Variants in USP16 observed in about 807,000 individuals in gnomAD.
USP16 encodes ubiquitin specific peptidase 16, also known as ubiquitin carboxyl-terminal hydrolase 16.
Under a neutral mutation model 95.9 loss-of-function variants are expected in USP16, and 77 were observed. The observed-to-expected ratio is 0.80, with a 90% confidence interval of 0.67 to 0.97. USP16 has a LOEUF of 0.97. Among genes scored for constraint, USP16 ranks in the 50% least tolerant of loss-of-function variants. The pLI, the probability that USP16 is intolerant of heterozygous loss-of-function variation, is 0.00. For missense variants in USP16, 943 were observed against 959.9 expected, an observed-to-expected ratio of 0.98 and a Z score of 0.23; for synonymous variants, 303 against 318.2, an observed-to-expected ratio of 0.95 and a Z score of 0.51.
Position 29,024,699 on chromosome 21 carries a change from G to A in USP16, c.-120G>A, listed in dbSNP as rs1393561198. ...GCTTCGACTCCGTCGCTCTCAATTC[G>A]TCACCAGGAGGAAGACGGAGCTGGC... On this transcript the variant is annotated 5_prime_UTR_variant, in exon 1 of 18. Coordinates refer to ENST00000399976, the MANE Select transcript of USP16 (RefSeq NM_006447.3). 1.6e-6 allele frequency: 2 copies of A among 1,289,108 alleles called. No individual in the cohort carries two copies. The highest frequency in any genetic ancestry group is 2.0e-6 in the Non-Finnish European group (2 of 988,740). The allele number at this position is 1,289,108 out of a possible 1,614,324, so 79.9% of individuals were successfully genotyped here.
chr21:29,038,321 A>G lies in USP16; in HGVS notation c.637-14A>G. The G allele has an allele frequency of 1.3e-6, 2 of 1,550,364 alleles. No homozygotes were observed. Among genetic ancestry groups the G allele is most frequent in the Non-Finnish European group, 1.8e-6 (2 of 1,137,048 alleles). ...TAAATAATTTTTCTCTTTTTTTTTC[A>G]CCCTACATTCTAGAACTTGTCACAA... is the stretch of plus-strand genomic sequence containing the variant. On this transcript the variant is annotated splice_polypyrimidine_tract_variant and intron_variant, in intron 6 of 17. Transcript: ENST00000399976.
Position 29,037,395 on chromosome 21 carries a change from C to G in USP16, c.568C>G (p.Pro190Ala). 1.2e-6 allele frequency: 2 copies of G among 1,609,416 alleles called. No individual in the cohort carries two copies. The highest frequency in any genetic ancestry group is 4.5e-5 in the East Asian group (2 of 44,696). ...MAKENPPMNS[P>A]CQITVKGLSN... is the part of the protein sequence containing the mutation. ...TAAAGAGAATCCTCCCATGAATTCTCCTTGCCAAATAACCGTGAAAGGACT... is the reference window on the plus strand; with the variant it reads ...TAAAGAGAATCCTCCCATGAATTCTGCTTGCCAAATAACCGTGAAAGGACT... The change falls in exon 6 of 18, where the codon CCT becomes GCT. Residue 190 changes from proline to alanine, a missense_variant. Transcript: ENST00000399976.
chr21:29,028,105 T>C (rs1601038776), intron 2 of USP16, 131 bp downstream of exon 2: 1 of 700,378 alleles, frequency 1.4e-6, no homozygotes, highest in South Asian at 2.0e-5. Context: ...TATCTATATG[T>C]CATTTAATAG....
chr21:29,047,325 T>C lies in USP16; in HGVS notation c.2011+4T>C. 2 of 1,600,148 alleles carry C rather than the reference T, an allele frequency of 1.2e-6. No individual in the cohort carries two copies. Among genetic ancestry groups the C allele is most frequent in the South Asian group, 1.1e-5 (1 of 88,630 alleles). On this transcript the variant is annotated splice_donor_region_variant and intron_variant, in intron 14 of 17. Coordinates refer to ENST00000399976, the MANE Select transcript of USP16 (RefSeq NM_006447.3). ...GGACCAAAGGCAAATATAAAAGGTA[T>C]TTTAATGCTCTCACTGTAAGTAAAA...
chr21:29,046,284 A>T (rs2085321784), intron 13 of USP16, among the ~76,000 whole-genome samples: 1 of 152,092 alleles, frequency 6.6e-6, no homozygotes, highest in African/African-American at 2.4e-5. Flanking sequence ...CTACAGGTGG[A>T]CACCAACGTG....
At chr21:29,053,681 A>G in intron 16 of USP16, 121 bp from the exon 17 acceptor site, 1 of 983,462 alleles carries the variant, frequency 1.0e-6, no homozygotes, top group South Asian at 1.7e-5. Flanking sequence ...AGACTCATGA[A>G]TGATTTCTGC....
At position 29,043,452 on chromosome 21, in the gene USP16, T is replaced by A. The variant is rs757600892; in HGVS notation, c.1209T>A (p.Asn403Lys). The change falls in exon 13 of 18, where the codon AAT (asparagine) becomes AAA (lysine). Residue 403 changes from asparagine to lysine, a missense_variant. Asn to Lys is a moderately conservative substitution (Grantham distance 94). Coordinates refer to ENST00000399976, the MANE Select transcript of USP16 (RefSeq NM_006447.3). Reference protein sequence around the residue: ...QSGKKSVNDKNLKKTVEDEDQ... With the variant: ...QSGKKSVNDKKLKKTVEDEDQ... The stretch of plus-strand genomic sequence containing the variant: ...GTAAGAAAAGTGTAAATGATAAAAA[T>A]CTGAAAAAGACAGTGGAGGATGAAG... 2.6e-6 allele frequency: 4 copies of A among 1,547,262 alleles called. No homozygotes were observed. Among genetic ancestry groups the A allele is most frequent in the Non-Finnish European group, 3.5e-6 (4 of 1,154,072 alleles).
intron 1 of USP16, among the ~76,000 whole-genome samples, chr21:29,027,567 A>G (rs911139885): frequency 1.3e-5 from 2 of 152,242 alleles, no homozygotes; most frequent in African/African-American, 4.8e-5. Context: ...CCTTCCTAAG[A>G]GTATCAAGTT....
Position 29,050,089 on chromosome 21 carries a change from T to C in USP16, c.2107-3T>C, listed in dbSNP as rs376263224. ...AAGTCAATCTGTTATGCTTCTCTTT[T>C]AGGCTGGTTTTAACCTACGCAAAGT... On this transcript the variant is annotated splice_polypyrimidine_tract_variant and splice_region_variant and intron_variant, in intron 15 of 17. Transcript: ENST00000399976. 6.2e-7 allele frequency: 1 copy of C among 1,610,654 alleles called. No individual in the cohort carries two copies. Among genetic ancestry groups the C allele is most frequent in the African/African-American group, 1.3e-5 (1 of 74,892 alleles).
In USP16 at chr21:29,042,101, A is replaced by G; in HGVS notation, c.1119A>G (p.Arg373=). 3 of 1,610,992 alleles carry G rather than the reference A, an allele frequency of 1.9e-6. No individual in the cohort carries two copies. The highest frequency in any genetic ancestry group is 2.5e-6 in the Non-Finnish European group (3 of 1,178,364). Residue 373 remains arginine, a synonymous_variant, in exon 11 of 18, where the codon AGA becomes AGG. Transcript: ENST00000399976. ...LTSMIMCDQC[R]TVSLVHESFL... is the part of the protein sequence containing the mutation. ...GTATGATCATGTGTGATCAATGCAG[A>G]ACTGTAAGTAGATGTCATGTATACT...
At chr21:29,040,520 T>C in intron 9 of USP16, 89 bp from the exon 10 acceptor site, 1 of 461,230 alleles carries the variant, frequency 2.2e-6, no homozygotes, top group Non-Finnish European at 3.5e-6. Flanking sequence ...AGCTGTATCC[T>C]GATCACTTTC....
rs781462691 is a variant in USP16, at chr21:29,048,751, T to A, written c.2012-10T>A. On this transcript the variant is annotated splice_polypyrimidine_tract_variant and intron_variant, in intron 14 of 17. Transcript: ENST00000399976. ...TTTTCTCCCTGTTAAAAATTTCTTC[T>A]TTTCTTTAGGTGAAAGGAAGCATGT... 7.5e-6 allele frequency: 12 copies of A among 1,609,616 alleles called. No individual in the cohort carries two copies. The African/African-American group carries it at 1.5e-4, about 20-fold the overall frequency.
Position 29,049,941 on chromosome 21 carries a change from CAGTT to C in USP16, c.2107-147_2107-144del. The stretch of plus-strand genomic sequence containing the variant: ...TAGCAAAAGCAAACCAACTTGGAAT[CAGTT>C]AGTGTTCAGGAAGAATTGAGTCTCC... On this transcript the variant is annotated intron_variant, in intron 15 of 17. Transcript: ENST00000399976. The C allele has an allele frequency of 4.6e-6, 3 of 649,242 alleles. No individual in the cohort carries two copies. The South Asian group carries it at 6.8e-5, about 15-fold the overall frequency. 40.2% of individuals were successfully genotyped at this position (649,242 alleles called of 1,614,324 possible). A position where few individuals can be genotyped will look rare whatever the true frequency, so the allele number is the denominator to read the frequency against.
chr21:29,043,396 T>A (rs373372631), intron 12 of USP16, 27 bp from the exon 13 acceptor site: 1 of 1,383,732 alleles, frequency 7.2e-7, no homozygotes, highest in Non-Finnish European at 9.4e-7. Context: ...AAATTTTGTT[T>A]TTGACCTATG....
Position 29,036,288 on chromosome 21 carries a change from A to G in USP16, c.362A>G (p.Asn121Ser), listed in dbSNP as rs1449983215. ...NWSVWCYVCD[N>S]EVQYCSSNQL... ...GGTCACAGGTGTTACGTATGTGATA[A>G]TGAGGTCCAGTATTGTAGTTCAAAC... Residue 121 changes from asparagine (N) to serine (S), a missense_variant, in exon 5 of 18, where the codon AAT becomes AGT. Asn to Ser is a conservative substitution (Grantham distance 46). Transcript: ENST00000399976. 3 of 1,611,900 alleles carry G rather than the reference A, an allele frequency of 1.9e-6. No homozygotes were observed. Among genetic ancestry groups the G allele is most frequent in the East Asian group, 4.5e-5 (2 of 44,784 alleles).
intron 2 of USP16, among the ~76,000 whole-genome samples, chr21:29,029,240 C>T (rs757931604): frequency 2.6e-5 from 4 of 152,148 alleles, no homozygotes; most frequent in Non-Finnish European, 4.4e-5. Context: ...GGTGAAACCC[C>T]GTCTCTACTA....
intron 15 of USP16, 42 bp from the exon 16 acceptor site, chr21:29,050,050 T>A (rs1237667576): frequency 6.3e-7 from 1 of 1,580,130 alleles, no homozygotes; most frequent in Non-Finnish European, 8.6e-7. Flanking sequence ...CCTGTATTGC[T>A]TTTCCAAGAA....
intron 12 of USP16, 74 bp downstream of exon 12, chr21:29,042,602 C>A: frequency 7.2e-7 from 1 of 1,381,336 alleles, no homozygotes. Flanking sequence ...AGCCTTGTTA[C>A]TCTTTTTAAG....
chr21:29,032,761 A>G (rs1433932466), intron 3 of USP16, among the ~76,000 whole-genome samples: 2 of 152,148 alleles, frequency 1.3e-5, no homozygotes, highest in African/African-American at 4.8e-5. Flanking sequence ...CTTAGATTTC[A>G]TTTCTCTAGG....
Sources: allele counts gnomAD v4.1 joint callset (sites outside exome capture counted in the v4.1 genomes callset), GRCh38; gene constraint gnomAD v4.1.1; transcripts MANE v1.5; gene names NCBI Gene and HGNC (gene_info 2026-07-23, HGNC 2026-07-21).